CPSF1: variants seen among roughly 807,000 people sequenced by gnomAD.
CPSF1 encodes the protein cleavage and polyadenylation specificity factor subunit 1.
CPSF1 carries 106 observed loss-of-function variants against 175.8 expected under a neutral mutation model. The ratio of observed to expected loss-of-function variants is 0.60; its 90% CI spans 0.52 to 0.71. The LOEUF is 0.71. CPSF1 is among the 30% of genes least tolerant of loss of function. CPSF1 has a pLI of 0.00. For synonymous variants in CPSF1, 1,024 were observed against 858.3 expected (o/e 1.19, Z -3.37); for missense variants, 1,734 against 2,022.9 (o/e 0.86, Z 2.74).
chr8:144,398,334 A>C lies in CPSF1; in HGVS notation c.1862T>G (p.Val621Gly), dbSNP rs1820924498. Residue 621 changes from valine (V) to glycine (G), a missense_variant, in exon 19 of 38, where the codon GTG (valine) becomes GGG (glycine). By Grantham distance (109) the Val-to-Gly change is moderately radical (BLOSUM62 -3). Transcript: ENST00000616140. ...CAGCAGGCGGATGCCCAGTGGTGAC[A>C]CTTGGACAATGTAGCGGTTGTCCCC... ...NIGDNRYIVQ[V>G]SPLGIRLLEG... 7.2e-7 allele frequency: 1 copy of C among 1,382,354 alleles called. No individual in the cohort carries two copies. The highest frequency in any genetic ancestry group is 1.8e-5 in the African/African-American group (1 of 55,344). 85.6% of individuals were successfully genotyped at this position (1,382,354 alleles called of 1,614,324 possible).
In CPSF1 at chr8:144,396,944, G is replaced by A; in HGVS notation, c.2593-15C>T. ...TCCACATGCACCTGGCAGGATGAGG[G>A]GAGCCATGGGGGAACGGGCAGGGCC... is the stretch of plus-strand genomic sequence containing the variant. On this transcript the variant is annotated splice_polypyrimidine_tract_variant and intron_variant, in intron 23 of 37. Transcript: ENST00000616140. The A allele has an allele frequency of 6.3e-7, 1 of 1,589,606 alleles. No homozygotes were observed. Among genetic ancestry groups the A allele is most frequent in the Non-Finnish European group, 8.6e-7 (1 of 1,159,478 alleles).
In CPSF1 at chr8:144,397,295, TC is replaced by T. The variant is rs1820833850; in HGVS notation, c.2503del (p.Glu835ArgfsTer121). 6.4e-7 allele frequency: 1 copy of T among 1,550,614 alleles called. No homozygotes were observed. Among genetic ancestry groups the T allele is most frequent in the Non-Finnish European group, 8.7e-7 (1 of 1,147,620 alleles). ...QPTTQGEARR[E>X]EATRQGELPL... Reference sequence around the variant, plus strand: ...CAGCTCCCCCTGGCGCGTGGCCTCCTCCCTGCGGGCCTCGCCCTGTGTAGTG... The same window carrying T: ...CAGCTCCCCCTGGCGCGTGGCCTCCTCCTGCGGGCCTCGCCCTGTGTAGTG... On this transcript the variant is annotated frameshift_variant, in exon 23 of 38. Coordinates refer to ENST00000616140, the MANE Select transcript of CPSF1 (RefSeq NM_013291.3). LOFTEE classifies it high-confidence loss of function.
intron 23 of CPSF1, 87 bp from the exon 24 acceptor site, chr8:144,397,016 G>A (rs1465046141): frequency 1.9e-6 from 2 of 1,062,228 alleles, no homozygotes; most frequent in Admixed American, 2.0e-5. Flanking sequence ...CTGTGGGTAA[G>A]GGGCGGGGCT....
At position 144,393,384 on chromosome 8, in the gene CPSF1, T is replaced by A. The variant is rs1586604865; in HGVS notation, c.4285-19A>T. 2 of 458,194 alleles carry A rather than the reference T, an allele frequency of 4.4e-6. No homozygotes were observed. The highest frequency in any genetic ancestry group is 6.6e-6 in the Non-Finnish European group (2 of 301,522). The allele number at this position is 458,194 out of a possible 1,614,324, so 28.4% of individuals were successfully genotyped here. On this transcript the variant is annotated intron_variant, in intron 37 of 37. Transcript: ENST00000616140. Reference sequence around the variant, plus strand: ...CCAGGATCTGCAGGGGATGGAAGGGTGGGTGGGTGGGTGGGTGGGGATGCA... The same window carrying A: ...CCAGGATCTGCAGGGGATGGAAGGGAGGGTGGGTGGGTGGGTGGGGATGCA...
At position 144,397,474 on chromosome 8, in the gene CPSF1, G is replaced by A; in HGVS notation, c.2385+13C>T. 6.3e-7 allele frequency: 1 copy of A among 1,597,972 alleles called. No homozygotes were observed. Among genetic ancestry groups the A allele is most frequent in the Non-Finnish European group, 8.5e-7 (1 of 1,170,894 alleles). On this transcript the variant is annotated intron_variant, in intron 22 of 37. Coordinates refer to ENST00000616140, the MANE Select transcript of CPSF1 (RefSeq NM_013291.3). ...GTGGAACCCGCTGGGCCACAGTGCA[G>A]GGCACCACCTACCTCCATGGTGCCA...
Position 144,400,145 on chromosome 8 carries a change from C to CCCT in CPSF1, c.937+20_937+21insAGG, listed in dbSNP as rs1270599372. On this transcript the variant is annotated intron_variant, in intron 9 of 37. Transcript: ENST00000616140. ...CCAAGCCGTCCCCGGGCCCCCCCCGCCCCAGCCACCCCACACTCACGAAGC... is the reference window on the plus strand; with the variant it reads ...CCAAGCCGTCCCCGGGCCCCCCCCGCCCTCCCAGCCACCCCACACTCACGAAGC... The CCCT allele has an allele frequency of 1.2e-5, 17 of 1,367,650 alleles. No homozygotes were observed. The African/African-American group carries it at 1.9e-4, about 16-fold the overall frequency. 84.7% of individuals were successfully genotyped at this position (1,367,650 alleles called of 1,614,324 possible).
In CPSF1 at chr8:144,394,372, GGT is replaced by G. The variant is rs782632977; in HGVS notation, c.3744+5_3744+6del. On this transcript the variant is annotated splice_donor_5th_base_variant and intron_variant, in intron 32 of 37. Transcript: ENST00000616140. Reference sequence around the variant, plus strand: ...CCCAGACACGAGCACCGCCGCCACAGGTGTACCCGCGACACCAGGCTCAGCGT... The same window carrying G: ...CCCAGACACGAGCACCGCCGCCACAGGTACCCGCGACACCAGGCTCAGCGT... 3 of 1,601,206 alleles carry G rather than the reference GGT, an allele frequency of 1.9e-6. No homozygotes were observed. The South Asian group carries it at 3.3e-5, about 18-fold the overall frequency.
In CPSF1 at chr8:144,400,828, A is replaced by G; in HGVS notation, c.540-11T>C. Reference sequence around the variant, plus strand: ...AAGCTGGACCTCTGCCTGGGGGGCCAGGGGCTTCAGCAGGAGAGGAGGGGA... The same window carrying G: ...AAGCTGGACCTCTGCCTGGGGGGCCGGGGGCTTCAGCAGGAGAGGAGGGGA... On this transcript the variant is annotated splice_polypyrimidine_tract_variant and intron_variant, in intron 6 of 37. Coordinates refer to ENST00000616140, the MANE Select transcript of CPSF1 (RefSeq NM_013291.3). 1 of 1,613,062 alleles carries G rather than the reference A, an allele frequency of 6.2e-7. No individual in the cohort carries two copies. The highest frequency in any genetic ancestry group is 1.6e-4 in the Middle Eastern group (1 of 6,062).
At position 144,401,453 on chromosome 8, in the gene CPSF1, G is replaced by A. The variant is rs1017447035; in HGVS notation, c.283C>T (p.Leu95Phe). ...QLAGAKRDAL[L>F]LSFKDAKLSV... ...ACCTTGGCATCCTTGAAGCTTAGGA[G>A]CAGGGCATCCCGCTTGGCTCCTGCC... Residue 95 changes from leucine (L) to phenylalanine (F), a missense_variant, in exon 4 of 38, where the codon CTC (leucine) becomes TTC (phenylalanine). Around this residue, in one of 10 missense-constraint regions of CPSF1, gnomAD observed 122 missense variants for 177.2 expected, o/e 0.69. Transcript: ENST00000616140. 2.3e-5 allele frequency: 37 copies of A among 1,613,950 alleles called. No homozygotes were observed. The highest frequency in any genetic ancestry group is 3.0e-5 in the Non-Finnish European group (35 of 1,180,010).
rs1316805280 is a variant in CPSF1, at chr8:144,396,278, T to G, written c.2979+70A>C. Reference sequence around the variant, plus strand: ...GGGTGGAGCCAATGGTCCCTTCTCCTGTCCCCTCCCCCTCAGCCCCCAGCT... The same window carrying G: ...GGGTGGAGCCAATGGTCCCTTCTCCGGTCCCCTCCCCCTCAGCCCCCAGCT... On this transcript the variant is annotated intron_variant, in intron 26 of 37. Transcript: ENST00000616140. The G allele has an allele frequency of 2.7e-6, 4 of 1,472,244 alleles. No homozygotes were observed. The East Asian group carries it at 9.7e-5, about 36-fold the overall frequency. The allele number at this position is 1,472,244 out of a possible 1,614,324, so 91.2% of individuals were successfully genotyped here.
Position 144,395,037 on chromosome 8 carries a change from G to A in CPSF1, c.3273-14C>T. ...TGCAGCTCGATCCTGTGGGGGCCAG[G>A]GGCCTCAGGATGCTGCCTGGAGGCC... On this transcript the variant is annotated splice_polypyrimidine_tract_variant and intron_variant, in intron 29 of 37. Coordinates refer to ENST00000616140, the MANE Select transcript of CPSF1 (RefSeq NM_013291.3). 6.2e-7 allele frequency: 1 copy of A among 1,605,756 alleles called. No individual in the cohort carries two copies. The highest frequency in any genetic ancestry group is 8.5e-7 in the Non-Finnish European group (1 of 1,174,970).
chr8:144,399,564 G>A lies in CPSF1; in HGVS notation c.1242+24C>T. 1 of 1,610,732 alleles carries A rather than the reference G, an allele frequency of 6.2e-7. No homozygotes were observed. The highest frequency in any genetic ancestry group is 8.5e-7 in the Non-Finnish European group (1 of 1,178,812). On this transcript the variant is annotated intron_variant, in intron 12 of 37. Coordinates refer to ENST00000616140, the MANE Select transcript of CPSF1 (RefSeq NM_013291.3). This position sits in a 1 kb window ranked among gnomAD's most constrained non-coding sequence, Gnocchi z 6.4. ...AGCAGTGCCCACATGAAGGGTGGTG[G>A]CCCAATGGGCCCAGGAAACCCACCT...
rs1821191370 is a variant in CPSF1, at chr8:144,401,245, A to G, written c.353T>C (p.Leu118Pro). ...YDPGTHDLKT[L>P]SLHYFEEPEL... ...AGGCTCCTCAAAGTAGTGCAGTGAC[A>G]GGGTCTTCAGGTCATGGGTGCCCGG... The change falls in exon 5 of 38, where the codon CTG becomes CCG. Residue 118 changes from leucine to proline, a missense_variant. Physicochemically the swap from Leu to Pro is moderately conservative, Grantham distance 98. Coordinates refer to ENST00000616140, the MANE Select transcript of CPSF1 (RefSeq NM_013291.3). The G allele has an allele frequency of 2.6e-6, 4 of 1,551,792 alleles. No individual in the cohort carries two copies. The highest frequency in any genetic ancestry group is 3.5e-6 in the Non-Finnish European group (4 of 1,147,516).
At chr8:144,396,050 TCA>T (rs1422936360) in intron 26 of CPSF1, 1 of 468,772 alleles carries the variant, frequency 2.1e-6, no homozygotes, top group African/African-American at 1.9e-5. Context: ...GAGCTAGCAC[TCA>T]CGTCAGCTCT....
Position 144,397,339 on chromosome 8 carries a change from G to T in CPSF1, c.2460C>A (p.Asp820Glu). 6.4e-7 allele frequency: 1 copy of T among 1,560,478 alleles called. No individual in the cohort carries two copies. Among genetic ancestry groups the T allele is most frequent in the Non-Finnish European group, 8.7e-7 (1 of 1,152,824 alleles). ...GTGTAGTGGGCTGTCCAAAGGAGCT[G>T]TCCACAAGGACCCGCTGCCCCACAG... The part of the protein sequence containing the change: ...NFPVGQRVLV[D>E]SSFGQPTTQG... Residue 820 changes from aspartate to glutamate, a missense_variant, in exon 23 of 38, where the codon GAC becomes GAA. By Grantham distance (45) the Asp-to-Glu change is conservative (BLOSUM62 2). Transcript: ENST00000616140.
In CPSF1 at chr8:144,393,284, G is replaced by T; in HGVS notation, c.*34C>A. On this transcript the variant is annotated 3_prime_UTR_variant, in exon 38 of 38. Coordinates refer to ENST00000616140, the MANE Select transcript of CPSF1 (RefSeq NM_013291.3). ...TTGTACAAAAAGGGGGTGGGAGGTAGTTCCGTGTGCTGGTGGTGACGGCAT... is the reference window on the plus strand; with the variant it reads ...TTGTACAAAAAGGGGGTGGGAGGTATTTCCGTGTGCTGGTGGTGACGGCAT... 1 of 1,474,526 alleles carries T rather than the reference G, an allele frequency of 6.8e-7. No homozygotes were observed. The highest frequency in any genetic ancestry group is 1.4e-5 in the South Asian group (1 of 72,418). 91.3% of individuals were successfully genotyped at this position (1,474,526 alleles called of 1,614,324 possible). A position where few individuals can be genotyped will look rare whatever the true frequency, so the allele number is the denominator to read the frequency against.
Position 144,396,704 on chromosome 8 carries a change from T to C in CPSF1, c.2720A>G (p.Lys907Arg). The C allele has an allele frequency of 6.2e-7, 1 of 1,613,942 alleles. No homozygotes were observed. Among genetic ancestry groups the C allele is most frequent in the South Asian group, 1.1e-5 (1 of 91,082 alleles). Residue 907 changes from lysine (K) to arginine (R), a missense_variant, in exon 25 of 38, where the codon AAG (lysine) becomes AGG (arginine). Lys to Arg is a conservative substitution (Grantham distance 26). Transcript: ENST00000616140. ...ACCTTCTGCTTTCTTCTTGGATGGCTTTGGCTTCTTCTCACGGAAGTTGAT... is the reference window on the plus strand; with the variant it reads ...ACCTTCTGCTTTCTTCTTGGATGGCCTTGGCTTCTTCTCACGGAAGTTGAT... ...HNINFREKKP[K>R]PSKKKAEGGG... is the part of the protein sequence containing the mutation.
rs374673581 is a variant in CPSF1 at position 144,397,735 on chromosome 8, C to T, written c.2210+8G>A. The T allele has an allele frequency of 2.1e-5, 34 of 1,594,430 alleles. No individual in the cohort carries two copies. The highest frequency in any genetic ancestry group is 2.8e-5 in the Non-Finnish European group (33 of 1,165,656). On this transcript the variant is annotated splice_region_variant and intron_variant, in intron 21 of 37. Coordinates refer to ENST00000616140, the MANE Select transcript of CPSF1 (RefSeq NM_013291.3). ...AAGCCCCTACCTGCGCCCCCAGCCC[C>T]CACGCACCTAGTCTCTGAGCCCAGG...
chr8:144,396,148 C>T (rs1820711208), intron 26 of CPSF1, 200 bp downstream of exon 26: 1 of 614,842 alleles, frequency 1.6e-6, no homozygotes, highest in South Asian at 2.1e-5. Flanking sequence ...GCTGCAGCCC[C>T]AGCTCCCAAC....
Sources: gnomAD v4.1 joint callset for allele counts on GRCh38, gnomAD v4.1.1 for gene constraint, gnomAD v4.1.1 regional missense constraint, Gnocchi (gnomAD v3.1) non-coding constraint, MANE v1.5 for transcripts, NCBI Gene and HGNC (gene_info 2026-07-23, HGNC 2026-07-21) for gene names.